TJAP1: variants seen among roughly 807,000 people sequenced by gnomAD.
TJAP1 encodes the protein tight junction associated protein 1.
TJAP1 carries 27 observed loss-of-function variants against 42.0 expected under a neutral mutation model. The observed-to-expected ratio is 0.64, with a 90% CI of 0.47 to 0.89. The LOEUF is 0.89. Ranked by LOEUF, TJAP1 falls within the 40% of genes least tolerant of loss-of-function variation. TJAP1 has a pLI of 0.00. For synonymous variants in TJAP1, 257 were observed against 288.4 expected (o/e 0.89, Z 1.10); for missense variants, 712 against 726.9 (o/e 0.98, Z 0.24).
In TJAP1 at chr6:43,505,392, C is replaced by G; in HGVS notation, c.1211C>G (p.Ala404Gly). ...ACACTCAGTGCCCCAGCTAGCTCTGCCAGCTCTGAAGAGGACCTGCTGGTC... is the reference window on the plus strand; with the variant it reads ...ACACTCAGTGCCCCAGCTAGCTCTGGCAGCTCTGAAGAGGACCTGCTGGTC... The change falls in exon 11 of 11, where the codon GCC (alanine) becomes GGC (glycine). Residue 404 changes from alanine (A) to glycine (G), a missense_variant. Ala to Gly is a moderately conservative substitution (Grantham distance 60). Coordinates refer to ENST00000372449, the Ensembl canonical transcript of TJAP1. The surrounding 1 kb of genome is among the most constrained non-coding windows in gnomAD (Gnocchi z 5.5). 1.2e-6 allele frequency: 2 copies of G among 1,611,534 alleles called. No individual in the cohort carries two copies. Among genetic ancestry groups the G allele is most frequent in the Non-Finnish European group, 1.7e-6 (2 of 1,179,912 alleles).
rs747455230 is a variant in TJAP1, at chr6:43,500,693, C to T, written c.100-51C>T. On this transcript the variant is annotated intron_variant, in intron 4 of 10. Coordinates refer to ENST00000372449, the Ensembl canonical transcript of TJAP1. The stretch of plus-strand genomic sequence containing the variant: ...GTGGCTATTTGGAGGGTGAGCCAGC[C>T]GGGGGTCCAGTGGTCCAGAGCTGAG... 5 of 1,612,114 alleles carry T rather than the reference C, an allele frequency of 3.1e-6. No individual in the cohort carries two copies. In the South Asian group the frequency reaches 3.3e-5, roughly 11 times the overall value.
intron 2 of TJAP1, among the ~76,000 whole-genome samples, chr6:43,486,903 C>T (rs990713435): frequency 7.9e-5 from 12 of 152,162 alleles, no homozygotes; most frequent in Non-Finnish European, 1.3e-4. Context: ...GGAGTTTTCC[C>T]TGGGTTCTCT....
Position 43,500,963 on chromosome 6 carries a change from C to G in TJAP1, c.128+191C>G, listed in dbSNP as rs1225695253. The G allele has an allele frequency of 1.2e-5, 8 of 649,686 alleles. No individual in the cohort carries two copies. In the African/African-American group the frequency reaches 1.5e-4, roughly 12 times the overall value. 40.2% of individuals were successfully genotyped at this position (649,686 alleles called of 1,614,324 possible). On this transcript the variant is annotated intron_variant, in intron 5 of 10. Transcript: ENST00000372449. ...TTCTGGAAAATGGGATTTTATTGTT[C>G]CATGGGCTTCAAGAGAGCGTAGAAT...
At chr6:43,480,577 G>C (rs1785106619) in intron 2 of TJAP1, among the ~76,000 whole-genome samples, 1 of 151,956 alleles carries the variant, frequency 6.6e-6, no homozygotes, top group Admixed American at 6.6e-5. Flanking sequence ...GGAGTGCAAT[G>C]GTGCTCTCCT....
chr6:43,500,578 C>G, intron 4 of TJAP1, 166 bp from the exon 5 acceptor site: 1 of 675,436 alleles, frequency 1.5e-6, no homozygotes, highest in Non-Finnish European at 2.6e-6. Context: ...CGAGGCTTGT[C>G]CCAGCATTAC....
At chr6:43,504,023 G>A in intron 10 of TJAP1, 1 of 544,524 alleles carries the variant, frequency 1.8e-6, no homozygotes, top group Non-Finnish European at 3.6e-6. Flanking sequence ...AGGCCCATCT[G>A]ATCATGTTAC....
rs1246313515 is a variant in TJAP1, at chr6:43,495,163, T to A, written c.-121-2718T>A. 6.6e-6 allele frequency among the ~76,000 whole-genome samples: 1 copy of A among 152,230 alleles called. No homozygotes were observed. The highest frequency in any genetic ancestry group is 1.5e-5 in the Non-Finnish European group (1 of 68,022). On this transcript the variant is annotated intron_variant, in intron 2 of 10. Coordinates refer to ENST00000372449, the Ensembl canonical transcript of TJAP1. This position sits in a 1 kb window ranked among gnomAD's most constrained non-coding sequence, Gnocchi z 4.6. ...GCTGCACCTGGTAGCTGGGTCTTCCTGGAGGGACCACTCTGATGCCATCTG... is the reference window on the plus strand; with the variant it reads ...GCTGCACCTGGTAGCTGGGTCTTCCAGGAGGGACCACTCTGATGCCATCTG...
chr6:43,503,949 A>T (rs1313314991), intron 10 of TJAP1: 3 of 691,456 alleles, frequency 4.3e-6, no homozygotes, highest in East Asian at 2.8e-5. Flanking sequence ...CAGAGAGAGA[A>T]GATCCTGGGC....
rs775424433 is a variant in TJAP1, at chr6:43,505,537, C to T, written c.1356C>T (p.Asp452=). ...GCCATTTTGCCCATAGCCCCGCTGA[C>T]AGAGATGAGGTGGTCCAGGCACCTT... Residue 452 remains aspartate (D), a synonymous_variant, in exon 11 of 11, where the codon GAC becomes GAT. Transcript: ENST00000372449. This position sits in a 1 kb window ranked among gnomAD's most constrained non-coding sequence, Gnocchi z 5.5. 7 of 1,613,816 alleles carry T rather than the reference C, an allele frequency of 4.3e-6. No individual in the cohort carries two copies. Among genetic ancestry groups the T allele is most frequent in the Non-Finnish European group, 5.1e-6 (6 of 1,180,044 alleles).
chr6:43,488,967 C>T (rs761403722), intron 2 of TJAP1, among the ~76,000 whole-genome samples: 12 of 152,184 alleles, frequency 7.9e-5, no homozygotes, highest in Non-Finnish European at 1.8e-4. Context: ...GGTGGTGACT[C>T]TTCCCTTTTT....
chr6:43,482,426 C>T (rs1758435555), intron 2 of TJAP1, among the ~76,000 whole-genome samples: 1 of 152,202 alleles, frequency 6.6e-6, no homozygotes, highest in South Asian at 2.1e-4. Context: ...TGGATTCAGG[C>T]TCTTAAATAG....
chr6:43,486,052 A>G (rs1335372186), intron 2 of TJAP1, among the ~76,000 whole-genome samples: 1 of 150,942 alleles, frequency 6.6e-6, no homozygotes, highest in Admixed American at 6.6e-5. Flanking sequence ...GCTCACTGCA[A>G]CCTCCGCCTC....
chr6:43,501,758 A>ACACACACACACACT lies in TJAP1; in HGVS notation c.290+72_290+73insACACACACACACTC, dbSNP rs1423256237. 8.1e-4 allele frequency: 401 copies of ACACACACACACACT among 493,128 alleles called. 1 individual carries two copies. Among genetic ancestry groups the ACACACACACACACT allele is most frequent in the African/African-American group, 3.4e-3 (99 of 29,118 alleles). 30.5% of individuals were successfully genotyped at this position (493,128 alleles called of 1,614,324 possible). On this transcript the variant is annotated intron_variant, in intron 6 of 10. Transcript: ENST00000372449. ...CACACACACACACACACACACACAC[A>ACACACACACACACT]CTCTCTCTGTCTCTCTCTCTCTCTG...
At chr6:43,481,505 AAC>A (rs1421657275) in intron 2 of TJAP1, among the ~76,000 whole-genome samples, 1 of 142,346 alleles carries the variant, frequency 7.0e-6, no homozygotes, top group Non-Finnish European at 1.6e-5. Flanking sequence ...AAAAAAACTT[AAC>A]AGTCAATGTC....
At chr6:43,480,350 A>G (rs1266787242) in intron 2 of TJAP1, among the ~76,000 whole-genome samples, 1 of 152,216 alleles carries the variant, frequency 6.6e-6, no homozygotes, top group African/African-American at 2.4e-5. Context: ...TCATTAGGCT[A>G]TTTAAGGCAA....
Position 43,491,969 on chromosome 6 carries a change from G to T in TJAP1, c.-121-5912G>T, listed in dbSNP as rs912177412. Among the ~76,000 whole-genome samples the T allele has an allele frequency of 1.3e-5, 2 of 152,238 alleles. No individual in the cohort carries two copies. Among genetic ancestry groups the T allele is most frequent in the African/African-American group, 2.4e-5 (1 of 41,464 alleles). The stretch of plus-strand genomic sequence containing the variant: ...GCCTGGAGTTGAGGCCTGGTTGAGG[G>T]CCGGTCCTTCACTTTGGCCTTTCTT... On this transcript the variant is annotated intron_variant, in intron 2 of 10. Coordinates refer to ENST00000372449, the Ensembl canonical transcript of TJAP1. This position sits in a 1 kb window ranked among gnomAD's most constrained non-coding sequence, Gnocchi z 4.6.
At chr6:43,488,880 A>G (rs964135863) in intron 2 of TJAP1, among the ~76,000 whole-genome samples, 7 of 152,126 alleles carry the variant, frequency 4.6e-5, no homozygotes, top group African/African-American at 1.4e-4. Context: ...TGTGTAGGCA[A>G]TTATTGGAAG....
intron 2 of TJAP1, among the ~76,000 whole-genome samples, chr6:43,479,432 GCC>G (rs1265271885): frequency 6.6e-6 from 1 of 152,180 alleles, no homozygotes; most frequent in East Asian, 1.9e-4. Context: ...GACAATTCGT[GCC>G]CCCTTTCAAA....
chr6:43,479,541 C>T (rs1784883167), intron 2 of TJAP1, among the ~76,000 whole-genome samples: 1 of 152,190 alleles, frequency 6.6e-6, no homozygotes, highest in South Asian at 2.1e-4. Flanking sequence ...CCTGTAGTCC[C>T]AGCTACTTGG....
Sources: gnomAD v4.1 joint callset for allele counts (sites outside exome capture counted in the v4.1 genomes callset) on GRCh38, gnomAD v4.1.1 for gene constraint, Gnocchi (gnomAD v3.1) non-coding constraint, MANE v1.5 for transcripts, NCBI Gene and HGNC (gene_info 2026-07-23, HGNC 2026-07-21) for gene names.